GSG1L: variants seen among roughly 807,000 people sequenced by gnomAD.
The protein encoded by GSG1L is GSG1 like.
Under a neutral mutation model 42.1 loss-of-function variants are expected in GSG1L, and 24 were observed. The ratio of observed to expected loss-of-function variants is 0.57; its 90% CI spans 0.41 to 0.80. The LOEUF (loss-of-function observed/expected upper bound fraction) is 0.80. Ranked by LOEUF, GSG1L falls within the 30% of genes least tolerant of loss-of-function variation. GSG1L has a pLI of 0.00. For synonymous variants in GSG1L, 215 were observed against 203.5 expected, an observed-to-expected ratio of 1.06 and a Z score of -0.48; for missense variants, 445 against 472.2, an observed-to-expected ratio of 0.94 and a Z score of 0.53.
chr16:28,003,183 GCAGA>G (rs2141146117), intron 1 of GSG1L, among the ~76,000 whole-genome samples: 1 of 152,338 alleles, frequency 6.6e-6, no homozygotes, highest in Admixed American at 6.5e-5. Flanking sequence ...AGGGCACCAA[GCAGA>G]CGAGCACTGT....
chr16:27,985,252 G>T (rs118144310), intron 1 of GSG1L, among the ~76,000 whole-genome samples: 2 of 152,146 alleles, frequency 1.3e-5, no homozygotes, highest in African/African-American at 4.8e-5. Context: ...GGTGGGGATT[G>T]ATGGCAGGTG....
At position 27,834,320 on chromosome 16, in the gene GSG1L, A is replaced by G. The variant is rs114790594; in HGVS notation, c.663-5364T>C. 7.3e-3 allele frequency among the ~76,000 whole-genome samples: 1,117 copies of G among 152,144 alleles called. 13 individuals carry two copies. Among genetic ancestry groups the G allele is most frequent in the African/African-American group, 0.025 (1,049 of 41,514 alleles). ...CTTATCATGACGTATAATTATTTTTATATATTGCTGACTTCTATGTGCTAT... is the reference window on the plus strand; with the variant it reads ...CTTATCATGACGTATAATTATTTTTGTATATTGCTGACTTCTATGTGCTAT... On this transcript the variant is annotated intron_variant, in intron 4 of 6. Coordinates refer to ENST00000447459, the MANE Select transcript of GSG1L (RefSeq NM_001109763.2).
At chr16:28,055,842 C>T (rs941668085) in intron 1 of GSG1L, among the ~76,000 whole-genome samples, 15 of 152,244 alleles carry the variant, frequency 9.9e-5, no homozygotes, top group Admixed American at 5.9e-4. Context: ...TAACCTGCAC[C>T]GTCCTGAAGG....
intron 1 of GSG1L, among the ~76,000 whole-genome samples, chr16:27,973,303 A>G (rs2085213107): frequency 6.6e-6 from 1 of 151,258 alleles, no homozygotes; most frequent in Non-Finnish European, 1.5e-5. Flanking sequence ...TACAAAAATT[A>G]CCCGGGCGTG....
intron 1 of GSG1L, among the ~76,000 whole-genome samples, chr16:28,008,840 G>C (rs1250562736): frequency 6.6e-6 from 1 of 151,888 alleles, no homozygotes; most frequent in Non-Finnish European, 1.5e-5. Flanking sequence ...ACAGAGTCTC[G>C]ATTTGTCACC....
rs138168660 is a variant in GSG1L, at chr16:27,870,187, C to T, written c.550+14299G>A. 3.1e-3 allele frequency among the ~76,000 whole-genome samples: 461 copies of T among 148,800 alleles called. 16 individuals are homozygous for T. The highest frequency in any genetic ancestry group is 0.011 in the African/African-American group (427 of 39,396). Reference sequence around the variant, plus strand: ...TCTGTCTCCCTCCCTCTCTCCTTCTCTCTCTGTCTCTGTCTCCTTCTGTTT... The same window carrying T: ...TCTGTCTCCCTCCCTCTCTCCTTCTTTCTCTGTCTCTGTCTCCTTCTGTTT... On this transcript the variant is annotated intron_variant, in intron 3 of 6. Transcript: ENST00000447459.
At chr16:27,910,858 C>G (rs887004209) in intron 2 of GSG1L, among the ~76,000 whole-genome samples, 1 of 152,052 alleles carries the variant, frequency 6.6e-6, no homozygotes, top group Admixed American at 6.6e-5. Flanking sequence ...TACAAAAATA[C>G]CAAAACTTGC....
chr16:27,967,651 C>T (rs1277869613), intron 1 of GSG1L, among the ~76,000 whole-genome samples: 2 of 152,202 alleles, frequency 1.3e-5, no homozygotes, highest in South Asian at 2.1e-4. Context: ...GTTGGTCAGG[C>T]ACGGTGGCTC....
chr16:27,846,737 G>A (rs1036066384), intron 3 of GSG1L, among the ~76,000 whole-genome samples: 3 of 152,054 alleles, frequency 2.0e-5, no homozygotes, highest in Non-Finnish European at 4.4e-5. Flanking sequence ...TGCGGATCAC[G>A]AGGTCAGGAG....
At chr16:27,911,077 A>G (rs1398571296) in intron 2 of GSG1L, among the ~76,000 whole-genome samples, 1 of 152,108 alleles carries the variant, frequency 6.6e-6, no homozygotes, top group African/African-American at 2.4e-5. Flanking sequence ...GCCCCAGTCA[A>G]GGGCTGGGGA....
chr16:27,841,113 A>G (rs1280740030), intron 4 of GSG1L, among the ~76,000 whole-genome samples: 2 of 152,252 alleles, frequency 1.3e-5, no homozygotes, highest in African/African-American at 4.8e-5. Flanking sequence ...GAAATGGAAT[A>G]CAATTCAAGA....
At position 28,006,599 on chromosome 16, in the gene GSG1L, G is replaced by A. The variant is rs117165709; in HGVS notation, c.350-43396C>T. Among the ~76,000 whole-genome samples the A allele has an allele frequency of 7.6e-3, 1,156 of 152,182 alleles. 4 individuals are homozygous for A. Among genetic ancestry groups the A allele is most frequent in the Non-Finnish European group, 0.012 (841 of 68,002 alleles). ...GCTGGGATTACAGGCATGAGCCACC[G>A]CGCCTGCCCCATGTCACCTTGATTT... On this transcript the variant is annotated intron_variant, in intron 1 of 6. Transcript: ENST00000447459.
intron 4 of GSG1L, among the ~76,000 whole-genome samples, chr16:27,831,580 G>A (rs2140969156): frequency 6.6e-6 from 1 of 152,286 alleles, no homozygotes; most frequent in Non-Finnish European, 1.5e-5. Flanking sequence ...AAAATACCTT[G>A]CATGAGTGGT....
chr16:27,825,376 A>G (rs1468635607), intron 5 of GSG1L, among the ~76,000 whole-genome samples: 2 of 152,210 alleles, frequency 1.3e-5, no homozygotes. Flanking sequence ...GTGCTATGAA[A>G]AAATAGAAAT....
chr16:28,056,565 A>T lies in GSG1L; in HGVS notation c.349+6511T>A, dbSNP rs555382760. Among the ~76,000 whole-genome samples the T allele has an allele frequency of 2.6e-5, 4 of 151,834 alleles. No homozygotes were observed. The South Asian group carries it at 8.3e-4, about 32-fold the overall frequency. On this transcript the variant is annotated intron_variant, in intron 1 of 6. Coordinates refer to ENST00000447459, the MANE Select transcript of GSG1L (RefSeq NM_001109763.2). ...GCACACCAATATGGCACATGTATAC[A>T]TATGTAACAAACCTGCACATTGTGC...
intron 3 of GSG1L, among the ~76,000 whole-genome samples, chr16:27,881,779 T>G (rs2141021461): frequency 6.6e-6 from 1 of 152,204 alleles, no homozygotes; most frequent in East Asian, 1.9e-4. Context: ...CCCTTCACCT[T>G]GACTCTATTT....
rs186398584 is a variant in GSG1L at position 27,908,077 on chromosome 16, C to T, written c.398-23439G>A. On this transcript the variant is annotated intron_variant, in intron 2 of 6. Transcript: ENST00000447459. Reference sequence around the variant, plus strand: ...TCCCACTTCTGACTTTGAGCTCAGCCATGGGACTTGCTTTGGCCAATGGGA... The same window carrying T: ...TCCCACTTCTGACTTTGAGCTCAGCTATGGGACTTGCTTTGGCCAATGGGA... 1.2e-4 allele frequency among the ~76,000 whole-genome samples: 18 copies of T among 152,354 alleles called. No homozygotes were observed. In the East Asian group the frequency reaches 3.5e-3, roughly 29 times the overall value.
At chr16:27,792,162 T>C (rs1163039539) in intron 6 of GSG1L, among the ~76,000 whole-genome samples, 1 of 152,076 alleles carries the variant, frequency 6.6e-6, no homozygotes, top group Non-Finnish European at 1.5e-5. Flanking sequence ...CAAGCAGGCC[T>C]CCTTGAGCAC....
chr16:27,850,610 C>A (rs1172907122), intron 3 of GSG1L: 5 of 455,364 alleles, frequency 1.1e-5, no homozygotes, highest in Non-Finnish European at 2.2e-5. Flanking sequence ...GGAAAACCAG[C>A]GTGGAGTCTT....
Sources: gnomAD v4.1 joint callset for allele counts (sites outside exome capture counted in the v4.1 genomes callset) on GRCh38, gnomAD v4.1.1 for gene constraint, MANE v1.5 for transcripts, NCBI Gene and HGNC (gene_info 2026-07-23, HGNC 2026-07-21) for gene names.